Variants in MSRA observed in about 807,000 individuals in gnomAD.
MSRA encodes methionine sulfoxide reductase A.
Under a neutral mutation model 31.3 loss-of-function variants are expected in MSRA, and 54 were observed. The observed-to-expected ratio is 1.73, with a 90% CI of 1.39 to 2.17. The LOEUF is 2.17. Among genes scored for constraint, MSRA ranks in the 30% most tolerant of loss-of-function variants. The pLI is 0.00. For missense variants in MSRA, 507 were observed against 300.9 expected, an observed-to-expected ratio of 1.69 and a Z score of -5.07; for synonymous variants, 169 against 116.5, an observed-to-expected ratio of 1.45 and a Z score of -2.90.
At chr8:10,345,926 T>A (rs1431946265) in intron 5 of MSRA, among the ~76,000 whole-genome samples, 1 of 152,212 alleles carries the variant, frequency 6.6e-6, no homozygotes, top group East Asian at 1.9e-4. Context: ...TTTAGTTTAA[T>A]CTCCTGGCAA....
chr8:10,230,374 G>T (rs1377535589), intron 2 of MSRA, among the ~76,000 whole-genome samples: 1 of 152,216 alleles, frequency 6.6e-6, no homozygotes, highest in South Asian at 2.1e-4. Context: ...GGAGATGGGG[G>T]TGTAGGAAGT....
rs140326850 is a variant in MSRA at position 10,178,620 on chromosome 8, G to C, written c.143-29213G>C. ...TGAAAATTCACCTTAGTGACTGAAAGCATAGATTGACTTTGCATAGACATC... is the reference window on the plus strand; with the variant it reads ...TGAAAATTCACCTTAGTGACTGAAACCATAGATTGACTTTGCATAGACATC... On this transcript the variant is annotated intron_variant, in intron 1 of 5. Coordinates refer to ENST00000317173, the MANE Select transcript of MSRA (RefSeq NM_012331.5). Among the ~76,000 whole-genome samples the C allele has an allele frequency of 8.5e-5, 13 of 152,264 alleles. No individual in the cohort carries two copies. In the East Asian group the frequency reaches 2.5e-3, roughly 29 times the overall value.
intron 1 of MSRA, among the ~76,000 whole-genome samples, chr8:10,120,989 G>A (rs1224497140): frequency 6.6e-6 from 1 of 152,152 alleles, no homozygotes; most frequent in Non-Finnish European, 1.5e-5. Flanking sequence ...AAATATAGAT[G>A]CAAAATAAAA....
At chr8:10,180,050 A>T (rs79283440) in intron 1 of MSRA, among the ~76,000 whole-genome samples, 1 of 152,142 alleles carries the variant, frequency 6.6e-6, no homozygotes. Context: ...ACGACCTGGA[A>T]TTAGACCCCA....
At chr8:10,270,219 A>G (rs180898586) in intron 3 of MSRA, among the ~76,000 whole-genome samples, 1 of 152,342 alleles carries the variant, frequency 6.6e-6, no homozygotes, top group Non-Finnish European at 1.5e-5. Context: ...TTTTACTTAT[A>G]TACCGGATTC....
intron 1 of MSRA, among the ~76,000 whole-genome samples, chr8:10,179,083 C>T (rs1027153311): frequency 1.3e-5 from 2 of 152,148 alleles, no homozygotes; most frequent in Admixed American, 6.5e-5. Context: ...TGGCAGAGTT[C>T]AGTTCACTGA....
At chr8:10,366,010 T>C (rs895384110) in intron 5 of MSRA, among the ~76,000 whole-genome samples, 1 of 152,186 alleles carries the variant, frequency 6.6e-6, no homozygotes, top group Admixed American at 6.5e-5. Context: ...CCTGCCTCAT[T>C]CCCCTGCTCC....
At chr8:10,084,499 A>G (rs765605804) in intron 1 of MSRA, among the ~76,000 whole-genome samples, 2 of 152,176 alleles carry the variant, frequency 1.3e-5, no homozygotes, top group Admixed American at 6.5e-5. Flanking sequence ...GATTGGCTCA[A>G]TTTTAGCGGG....
At chr8:10,198,297 G>A (rs1808173017) in intron 1 of MSRA, among the ~76,000 whole-genome samples, 1 of 145,706 alleles carries the variant, frequency 6.9e-6, no homozygotes, top group African/African-American at 2.6e-5. Flanking sequence ...TTCTTTACTT[G>A]AGGAGGATAC....
intron 1 of MSRA, among the ~76,000 whole-genome samples, chr8:10,114,220 T>G (rs1399875391): frequency 6.6e-6 from 1 of 152,216 alleles, no homozygotes; most frequent in African/African-American, 2.4e-5. Flanking sequence ...CCATCATCAG[T>G]TGGTGGACAT....
At chr8:10,380,946 G>T (rs543510316) in intron 5 of MSRA, among the ~76,000 whole-genome samples, 1 of 151,942 alleles carries the variant, frequency 6.6e-6, no homozygotes, top group South Asian at 2.1e-4. Context: ...GTGGGAGGGA[G>T]GCATGGATAG....
intron 5 of MSRA, among the ~76,000 whole-genome samples, chr8:10,415,199 C>G (rs1808383870): frequency 6.6e-6 from 1 of 152,206 alleles, no homozygotes; most frequent in African/African-American, 2.4e-5. Flanking sequence ...CAGCCCTGTC[C>G]AGCCTGGTGG....
Position 10,339,605 on chromosome 8 carries a change from G to A in MSRA, c.543+19616G>A, listed in dbSNP as rs542196934. ...CGCCCAGGCTGGAGTGCAGTGATGC[G>A]ATCTTGGCTCACTGCAAGCTCCGCC... is the stretch of plus-strand genomic sequence containing the variant. On this transcript the variant is annotated intron_variant, in intron 5 of 5. Transcript: ENST00000317173. 6.7e-5 allele frequency among the ~76,000 whole-genome samples: 9 copies of A among 133,662 alleles called. No homozygotes were observed. The South Asian group carries it at 9.6e-4, about 14-fold the overall frequency. 87.7% of individuals were successfully genotyped at this position (133,662 alleles called of 152,430 possible).
At chr8:10,348,357 C>CTTTTTTTTTT (rs34083972) in intron 5 of MSRA, among the ~76,000 whole-genome samples, 2 of 64,240 alleles carry the variant, frequency 3.1e-5, no homozygotes, top group Non-Finnish European at 5.3e-5. Context: ...AAATTATTGC[C>CTTTTTTTTTT]TTTTTTTTTT....
At chr8:10,222,206 C>T (rs190036023) in intron 2 of MSRA, among the ~76,000 whole-genome samples, 1 of 151,858 alleles carries the variant, frequency 6.6e-6, no homozygotes, top group African/African-American at 2.4e-5. Flanking sequence ...GGCTTTTGAA[C>T]GTAACTACTT....
intron 1 of MSRA, among the ~76,000 whole-genome samples, chr8:10,136,795 C>A (rs779022431): frequency 6.6e-6 from 1 of 152,134 alleles, no homozygotes; most frequent in Admixed American, 6.6e-5. Context: ...GGGGGTTTCA[C>A]CTGTGACTGT....
intron 2 of MSRA, among the ~76,000 whole-genome samples, chr8:10,222,847 C>T (rs1052635477): frequency 3.3e-5 from 5 of 152,168 alleles, no homozygotes; most frequent in African/African-American, 4.8e-5. Flanking sequence ...AGATGTTGGT[C>T]GAAGGGTACA....
At position 10,126,881 on chromosome 8, in the gene MSRA, C is replaced by T. The variant is rs558084463; in HGVS notation, c.142+72223C>T. Reference sequence around the variant, plus strand: ...CATGCAGTTCACAATAGGGTTCGCACTCCTATGAGAATGCAATGCTGCTAC... The same window carrying T: ...CATGCAGTTCACAATAGGGTTCGCATTCCTATGAGAATGCAATGCTGCTAC... On this transcript the variant is annotated intron_variant, in intron 1 of 5. Coordinates refer to ENST00000317173, the MANE Select transcript of MSRA (RefSeq NM_012331.5). Among the ~76,000 whole-genome samples the T allele has an allele frequency of 9.8e-5, 15 of 152,328 alleles. 1 individual carries two copies. In the East Asian group the frequency reaches 2.5e-3, roughly 26 times the overall value.
At chr8:10,095,595 C>G (rs1799097410) in intron 1 of MSRA, 1 of 986,300 alleles carries the variant, frequency 1.0e-6, no homozygotes. Flanking sequence ...AGAGGGAGAG[C>G]TGAGGAAAGA....
Sources: allele counts gnomAD v4.1 joint callset (sites outside exome capture counted in the v4.1 genomes callset), GRCh38; gene constraint gnomAD v4.1.1; transcripts MANE v1.5; gene names NCBI Gene and HGNC (gene_info 2026-07-23, HGNC 2026-07-21).